NIBAN1: variants seen among roughly 807,000 people sequenced by gnomAD.
NIBAN1 encodes the protein protein Niban 1.
Under a neutral mutation model 75.1 loss-of-function variants are expected in NIBAN1, and 81 were observed. The observed-to-expected ratio is 1.08, with a 90% confidence interval of 0.90 to 1.30. NIBAN1 has a LOEUF of 1.30. Among genes scored for constraint, NIBAN1 ranks in the 50% most tolerant of loss-of-function variants. NIBAN1 has a pLI of 0.00. For synonymous variants in NIBAN1, 436 were observed against 424.8 expected (o/e 1.03, Z -0.32); for missense variants, 1,133 against 1,128.1 (o/e 1.00, Z -0.06).
Position 184,799,735 on chromosome 1 carries a change from C to CTTTT in NIBAN1, c.1555-1549_1555-1546dup, listed in dbSNP as rs780273995. On this transcript the variant is annotated intron_variant, in intron 12 of 13. Transcript: ENST00000367511. Reference sequence around the variant, plus strand: ...TCCTGACTTTTTAATGATTGCCATTCTTTTTTTTTTTTTTTTTTTTTTTTT... The same window carrying CTTTT: ...TCCTGACTTTTTAATGATTGCCATTCTTTTTTTTTTTTTTTTTTTTTTTTTTTTT... Among the ~76,000 whole-genome samples the CTTTT allele has an allele frequency of 2.2e-4, 11 of 49,802 alleles. 1 individual carries two copies. Among genetic ancestry groups the CTTTT allele is most frequent in the Middle Eastern group, 0.01 (1 of 100 alleles). The allele number at this position is 49,802 out of a possible 152,430, so 32.7% of individuals were successfully genotyped here. A position where few individuals can be genotyped will look rare whatever the true frequency, so the allele number is the denominator to read the frequency against.
intron 1 of NIBAN1, among the ~76,000 whole-genome samples, chr1:184,945,230 A>G (rs1376907275): frequency 2.6e-5 from 4 of 152,218 alleles, no homozygotes; most frequent in South Asian, 2.1e-4. Flanking sequence ...GGGAACTGCT[A>G]CTTGGAGAGA....
intron 5 of NIBAN1, among the ~76,000 whole-genome samples, chr1:184,876,666 A>G (rs912374068): frequency 2.6e-5 from 4 of 151,352 alleles, no homozygotes; most frequent in African/African-American, 9.7e-5. Context: ...GCACCACTGC[A>G]CTCCAGCCAA....
Position 184,823,648 on chromosome 1 carries a change from G to A in NIBAN1, c.812C>T (p.Thr271Met), listed in dbSNP as rs145818889. 1.7e-5 allele frequency: 27 copies of A among 1,613,988 alleles called. No individual in the cohort carries two copies. Among genetic ancestry groups the A allele is most frequent in the Middle Eastern group, 3.3e-4 (2 of 6,084 alleles). Residue 271 changes from threonine (T) to methionine (M), a missense_variant, in exon 7 of 14, where the codon ACG becomes ATG. Thr to Met is a moderately conservative substitution (Grantham distance 81, BLOSUM62 -1). Transcript: ENST00000367511. ...AAAACCATTGCTTACACCAAGCCAC[G>A]TCCTCTTTCTGTCATTCTTCTTCCC... ...MKGKKNDRKR[T>M]WLGLLEEAYT...
intron 1 of NIBAN1, among the ~76,000 whole-genome samples, chr1:184,911,064 C>T (rs1218652759): frequency 6.8e-6 from 1 of 146,474 alleles, no homozygotes; most frequent in Non-Finnish European, 1.5e-5. Flanking sequence ...ATAACAAATA[C>T]ACACACACAC....
intron 9 of NIBAN1, among the ~76,000 whole-genome samples, chr1:184,810,208 A>T (rs1283069934): frequency 6.6e-6 from 1 of 152,212 alleles, no homozygotes. Context: ...ACTTGTAAGG[A>T]TGTTCATCAT....
intron 4 of NIBAN1, among the ~76,000 whole-genome samples, chr1:184,885,670 C>T (rs943612377): frequency 6.6e-6 from 1 of 152,182 alleles, no homozygotes; most frequent in Non-Finnish European, 1.5e-5. Context: ...ACACCACTTG[C>T]TGTTTTTATG....
chr1:184,828,657 G>T (rs558553617), intron 6 of NIBAN1, among the ~76,000 whole-genome samples: 1 of 152,178 alleles, frequency 6.6e-6, no homozygotes, highest in Non-Finnish European at 1.5e-5. Flanking sequence ...TTCTGTAACA[G>T]ACTAGTTTTC....
chr1:184,915,773 G>C (rs1571570715), intron 1 of NIBAN1, among the ~76,000 whole-genome samples: 1 of 152,156 alleles, frequency 6.6e-6, no homozygotes, highest in South Asian at 2.1e-4. Flanking sequence ...AAGAGAAAGA[G>C]ACAGAGACAG....
chr1:184,854,726 C>T (rs1655630163), intron 5 of NIBAN1, among the ~76,000 whole-genome samples: 1 of 152,172 alleles, frequency 6.6e-6, no homozygotes, highest in African/African-American at 2.4e-5. Context: ...ATTGTTCACC[C>T]TGCCTCTACT....
chr1:184,800,847 G>A (rs1654019190), intron 12 of NIBAN1, among the ~76,000 whole-genome samples: 1 of 152,104 alleles, frequency 6.6e-6, no homozygotes, highest in Non-Finnish European at 1.5e-5. Flanking sequence ...TATCAGAATG[G>A]GGCCACTTTG....
chr1:184,839,037 G>C (rs1409787658), intron 5 of NIBAN1, among the ~76,000 whole-genome samples: 2 of 152,152 alleles, frequency 1.3e-5, no homozygotes, highest in Non-Finnish European at 2.9e-5. Flanking sequence ...AACAAAGAAG[G>C]GGAACAGGGG....
At chr1:184,824,789 G>T (rs950554124) in intron 6 of NIBAN1, among the ~76,000 whole-genome samples, 2 of 151,948 alleles carry the variant, frequency 1.3e-5, no homozygotes, top group African/African-American at 2.4e-5. Flanking sequence ...TTTTCGGGGG[G>T]AAGGGGCATA....
chr1:184,842,701 C>T (rs981450183), intron 5 of NIBAN1, among the ~76,000 whole-genome samples: 49 of 150,206 alleles, frequency 3.3e-4, no homozygotes, highest in Admixed American at 2.8e-3. Context: ...TGCAGTGAGC[C>T]GAGATTGTGC....
At chr1:184,797,534 C>T (rs974007434) in intron 13 of NIBAN1, among the ~76,000 whole-genome samples, 3 of 151,948 alleles carry the variant, frequency 2.0e-5, no homozygotes, top group African/African-American at 4.8e-5. Flanking sequence ...GGAGTCCCAC[C>T]GAGACTTGCG....
chr1:184,923,409 T>C (rs1382014133), intron 1 of NIBAN1, among the ~76,000 whole-genome samples: 1 of 152,222 alleles, frequency 6.6e-6, no homozygotes, highest in East Asian at 1.9e-4. Flanking sequence ...CTCTATTCTG[T>C]TCCATTGGTG....
At chr1:184,811,404 G>A (rs1654371083) in intron 9 of NIBAN1, among the ~76,000 whole-genome samples, 1 of 152,102 alleles carries the variant, frequency 6.6e-6, no homozygotes, top group South Asian at 2.1e-4. Context: ...TTAGGCCTGG[G>A]AGGCAGTGAA....
intron 1 of NIBAN1, among the ~76,000 whole-genome samples, chr1:184,909,747 T>C (rs1168934916): frequency 1.3e-5 from 2 of 152,226 alleles, no homozygotes; most frequent in Non-Finnish European, 2.9e-5. Flanking sequence ...ACTATGTCTC[T>C]GGATACAGTT....
intron 1 of NIBAN1, among the ~76,000 whole-genome samples, chr1:184,923,193 T>G (rs1346625859): frequency 6.6e-6 from 1 of 152,202 alleles, no homozygotes; most frequent in African/African-American, 2.4e-5. Context: ...GTTTCATACT[T>G]TGACATCTTA....
chr1:184,878,840 T>C (rs1192567221), intron 5 of NIBAN1, among the ~76,000 whole-genome samples: 1 of 152,198 alleles, frequency 6.6e-6, no homozygotes, highest in African/African-American at 2.4e-5. Flanking sequence ...GTGACCTATT[T>C]GAGCCTTATC....
Sources: allele counts gnomAD v4.1 joint callset (sites outside exome capture counted in the v4.1 genomes callset), GRCh38; gene constraint gnomAD v4.1.1; transcripts MANE v1.5; gene names NCBI Gene and HGNC (gene_info 2026-07-23, HGNC 2026-07-21).